AGBL1: variants seen among roughly 807,000 people sequenced by gnomAD.
AGBL1 encodes the protein cytosolic carboxypeptidase 4.
Under a neutral mutation model 118.9 loss-of-function variants are expected in AGBL1, and 130 were observed. The observed-to-expected ratio is 1.09, with a 90% CI of 0.95 to 1.26. The LOEUF (loss-of-function observed/expected upper bound fraction) is 1.26. Among genes scored for constraint, AGBL1 ranks in the 50% most tolerant of loss-of-function variants. The pLI is 0.00. For missense variants in AGBL1, 1,584 were observed against 1,298.1 expected (o/e 1.22, Z -3.38); for synonymous variants, 555 against 478.9 (o/e 1.16, Z -2.08).
At chr15:86,944,907 C>CA (rs2080799603) in intron 23 of AGBL1, among the ~76,000 whole-genome samples, 2 of 152,264 alleles carry the variant, frequency 1.3e-5, no homozygotes, top group Non-Finnish European at 2.9e-5. Context: ...TAAATACTTA[C>CA]AGTAGGACAA....
chr15:86,884,512 A>T (rs543164144), intron 22 of AGBL1, among the ~76,000 whole-genome samples: 28 of 152,358 alleles, frequency 1.8e-4, no homozygotes, highest in Non-Finnish European at 3.1e-4. Flanking sequence ...TAAAATAAAA[A>T]AGTTAAAAAC....
At chr15:86,983,025 C>T (rs901977994) in intron 23 of AGBL1, among the ~76,000 whole-genome samples, 4 of 151,994 alleles carry the variant, frequency 2.6e-5, no homozygotes, top group African/African-American at 9.7e-5. Flanking sequence ...TTTAAATTTC[C>T]ATTTTTCATT....
intron 18 of AGBL1, among the ~76,000 whole-genome samples, chr15:86,428,638 G>A (rs1430007187): frequency 6.6e-6 from 1 of 152,184 alleles, no homozygotes; most frequent in African/African-American, 2.4e-5. Flanking sequence ...TAATAGGGAA[G>A]ACTGTGACTA....
intron 17 of AGBL1, among the ~76,000 whole-genome samples, chr15:86,354,629 A>AG (rs1167620168): frequency 3.9e-5 from 6 of 152,242 alleles, no homozygotes; most frequent in African/African-American, 1.4e-4. Flanking sequence ...TGACAGTTGA[A>AG]GTTTAGTATA....
chr15:87,007,303 G>C (rs556396849), intron 24 of AGBL1, among the ~76,000 whole-genome samples: 1 of 151,904 alleles, frequency 6.6e-6, no homozygotes, highest in Non-Finnish European at 1.5e-5. Flanking sequence ...ACAGAATACT[G>C]GACTCTTAAA....
At chr15:86,431,162 C>T (rs1012877936) in intron 18 of AGBL1, among the ~76,000 whole-genome samples, 1 of 151,986 alleles carries the variant, frequency 6.6e-6, no homozygotes, top group Non-Finnish European at 1.5e-5. Context: ...AACCTCACTT[C>T]CCAGAACTTG....
intron 17 of AGBL1, among the ~76,000 whole-genome samples, chr15:86,301,472 A>G (rs1331692053): frequency 6.6e-6 from 1 of 151,910 alleles, no homozygotes; most frequent in African/African-American, 2.4e-5. Flanking sequence ...ACAAGAGCAT[A>G]ATGAGTTCTC....
At chr15:86,836,435 A>C (rs997762796) in intron 22 of AGBL1, among the ~76,000 whole-genome samples, 2 of 152,192 alleles carry the variant, frequency 1.3e-5, no homozygotes, top group Non-Finnish European at 2.9e-5. Flanking sequence ...AACACAGTGT[A>C]ATGGATGAAA....
chr15:86,905,678 A>G (rs1175261193), intron 22 of AGBL1, among the ~76,000 whole-genome samples: 1 of 152,184 alleles, frequency 6.6e-6, no homozygotes, highest in Admixed American at 6.5e-5. Context: ...TAGATTAAGC[A>G]GTTTTTCCAA....
intron 22 of AGBL1, among the ~76,000 whole-genome samples, chr15:86,757,878 G>C (rs1381465349): frequency 6.6e-6 from 1 of 152,062 alleles, no homozygotes; most frequent in East Asian, 1.9e-4. Context: ...TTCTCTGAAT[G>C]ATTCTGATTT....
chr15:86,601,652 G>C (rs964377555), intron 21 of AGBL1, among the ~76,000 whole-genome samples: 23 of 152,284 alleles, frequency 1.5e-4, no homozygotes, highest in African/African-American at 5.5e-4. Context: ...AGGCACAAGT[G>C]GTGAGCTATG....
At chr15:86,378,935 G>A (rs1332441606) in intron 17 of AGBL1, among the ~76,000 whole-genome samples, 1 of 147,982 alleles carries the variant, frequency 6.8e-6, no homozygotes, top group Non-Finnish European at 1.5e-5. Context: ...TTTTTGAGAT[G>A]GAGTTTCACT....
chr15:86,637,351 C>T (rs895863882), intron 21 of AGBL1, among the ~76,000 whole-genome samples: 1 of 151,946 alleles, frequency 6.6e-6, no homozygotes, highest in African/African-American at 2.4e-5. Flanking sequence ...AGGAGGATAA[C>T]GTGGATTGTT....
intron 24 of AGBL1, among the ~76,000 whole-genome samples, chr15:87,002,402 C>T (rs919372560): frequency 5.3e-5 from 8 of 151,840 alleles, no homozygotes; most frequent in African/African-American, 1.7e-4. Context: ...AGTTTGAAGT[C>T]AGGTAGTGTG....
chr15:86,393,856 G>A (rs1174010148), intron 17 of AGBL1, among the ~76,000 whole-genome samples: 1 of 152,074 alleles, frequency 6.6e-6, no homozygotes, highest in East Asian at 1.9e-4. Context: ...AGGTCATGAG[G>A]GTAGTGCCCT....
chr15:86,379,177 T>C (rs2081079435), intron 17 of AGBL1, among the ~76,000 whole-genome samples: 2 of 152,072 alleles, frequency 1.3e-5, no homozygotes, highest in Non-Finnish European at 2.9e-5. Flanking sequence ...CCTCTCAAAG[T>C]GCTAGGATTA....
chr15:86,745,017 G>T (rs1281618355), intron 22 of AGBL1, among the ~76,000 whole-genome samples: 1 of 152,084 alleles, frequency 6.6e-6, no homozygotes, highest in Non-Finnish European at 1.5e-5. Flanking sequence ...TTGGGACCAG[G>T]TGGACCACTG....
At chr15:86,174,615 T>C (rs191591858) in intron 5 of AGBL1, among the ~76,000 whole-genome samples, 2,637 of 101,438 alleles carry the variant, frequency 0.026, 78 homozygotes, top group East Asian at 0.054. Context: ...ATGTTTCTTA[T>C]GTTTTATTAT....
intron 16 of AGBL1, among the ~76,000 whole-genome samples, chr15:86,286,146 ATTTT>A (rs886510150): frequency 4.0e-5 from 6 of 148,782 alleles, no homozygotes; most frequent in African/African-American, 1.5e-4. Context: ...TTTATTATTT[ATTTT>A]TAATTTATTT....
Sources: allele counts gnomAD v4.1 joint callset (sites outside exome capture counted in the v4.1 genomes callset), GRCh38; gene constraint gnomAD v4.1.1; transcripts MANE v1.5; gene names NCBI Gene and HGNC (gene_info 2026-07-23, HGNC 2026-07-21).